Variants in KCTD16 observed in about 807,000 individuals in gnomAD.
KCTD16 encodes potassium channel tetramerization domain containing 16.
Under a neutral mutation model 33.2 loss-of-function variants are expected in KCTD16, and 13 were observed. The ratio of observed to expected loss-of-function variants is 0.39; its 90% CI spans 0.25 to 0.62. The LOEUF (loss-of-function observed/expected upper bound fraction) is 0.62. KCTD16 is among the 20% of genes least tolerant of loss of function. KCTD16 has a pLI of 0.50. For missense variants in KCTD16, 441 were observed against 525.1 expected, an observed-to-expected ratio of 0.84 and a Z score of 1.57; for synonymous variants, 197 against 195.3, an observed-to-expected ratio of 1.01 and a Z score of -0.07.
chr5:144,299,108 A>ATG (rs61318883), intron 3 of KCTD16, among the ~76,000 whole-genome samples: 1 of 10,514 alleles, frequency 9.5e-5, no homozygotes, highest in Non-Finnish European at 1.6e-4. Flanking sequence ...ATATATATAT[A>ATG]TATATATATA....
At chr5:144,410,665 T>C (rs1752913097) in intron 3 of KCTD16, among the ~76,000 whole-genome samples, 1 of 152,328 alleles carries the variant, frequency 6.6e-6, no homozygotes, top group Middle Eastern at 3.4e-3. Context: ...ATGTGTCAAG[T>C]TCCTCAAGTT....
intron 3 of KCTD16, among the ~76,000 whole-genome samples, chr5:144,449,742 T>A (rs1220706631): frequency 1.3e-5 from 2 of 151,998 alleles, no homozygotes; most frequent in Non-Finnish European, 2.9e-5. Context: ...TAGGGAAAAG[T>A]ATAGTCTTTT....
At chr5:144,342,585 G>A (rs372580234) in intron 3 of KCTD16, among the ~76,000 whole-genome samples, 132 of 152,270 alleles carry the variant, frequency 8.7e-4, no homozygotes, top group African/African-American at 2.6e-3. Flanking sequence ...TCTCCTGCCT[G>A]ATTGCCCTGG....
chr5:144,407,675 C>G (rs1185638574), intron 3 of KCTD16, among the ~76,000 whole-genome samples: 1 of 152,060 alleles, frequency 6.6e-6, no homozygotes, highest in Non-Finnish European at 1.5e-5. Flanking sequence ...TAAGTATTTC[C>G]TAATGCTTTC....
intron 3 of KCTD16, among the ~76,000 whole-genome samples, chr5:144,327,164 T>C (rs1752230305): frequency 6.6e-6 from 1 of 152,148 alleles, no homozygotes; most frequent in Admixed American, 6.6e-5. Flanking sequence ...CAGAAGTACA[T>C]ATAGTATTTT....
chr5:144,444,584 C>A (rs1246857475), intron 3 of KCTD16, among the ~76,000 whole-genome samples: 2 of 151,814 alleles, frequency 1.3e-5, no homozygotes, highest in Admixed American at 1.3e-4. Flanking sequence ...AGTTTATGCC[C>A]TTTATACATG....
intron 3 of KCTD16, among the ~76,000 whole-genome samples, chr5:144,254,783 T>A (rs545871582): frequency 0.03 from 4,626 of 152,232 alleles, 95 homozygotes; most frequent in Middle Eastern, 0.061. Flanking sequence ...TTTCTTTTTT[T>A]TTTAATCACT....
intron 3 of KCTD16, among the ~76,000 whole-genome samples, chr5:144,435,728 T>G (rs555625293): frequency 4.5e-4 from 69 of 152,158 alleles, no homozygotes; most frequent in Non-Finnish European, 7.8e-4. Context: ...TCAGACAATT[T>G]CCTTCTCTTT....
In KCTD16 at chr5:144,473,859, T is replaced by C. The variant is rs941350605; in HGVS notation, c.1032T>C (p.Arg344=). The change falls in exon 4 of 4, where the codon CGT becomes CGC. Residue 344 remains arginine (R), a synonymous_variant. Coordinates refer to ENST00000512467, the MANE Select transcript of KCTD16 (RefSeq NM_020768.4). ...TRQTNIQTLD[R]PIKKGPVQLI... ...AGACCAACATCCAGACTCTGGACCGTCCCATCAAGAAGGGCCCTGTCCAGC... is the reference window on the plus strand; with the variant it reads ...AGACCAACATCCAGACTCTGGACCGCCCCATCAAGAAGGGCCCTGTCCAGC... 1.1e-5 allele frequency: 17 copies of C among 1,613,838 alleles called. No individual in the cohort carries two copies. In the African/African-American group the frequency reaches 2.1e-4, roughly 20 times the overall value.
chr5:144,260,076 TA>T (rs1441678637), intron 3 of KCTD16, among the ~76,000 whole-genome samples: 1 of 152,192 alleles, frequency 6.6e-6, no homozygotes, highest in African/African-American at 2.4e-5. Context: ...GCTCAAAAGC[TA>T]AGCAAACTTT....
intron 3 of KCTD16, among the ~76,000 whole-genome samples, chr5:144,216,019 C>A (rs1012255115): frequency 6.6e-6 from 1 of 152,194 alleles, no homozygotes; most frequent in Non-Finnish European, 1.5e-5. Context: ...ATGGTTTCCT[C>A]CCCCTATCCC....
intron 3 of KCTD16, among the ~76,000 whole-genome samples, chr5:144,418,588 G>A (rs971692185): frequency 6.6e-6 from 1 of 152,062 alleles, no homozygotes; most frequent in African/African-American, 2.4e-5. Flanking sequence ...TTCTTTACTG[G>A]TGTTGGTGCT....
At chr5:144,264,790 G>T (rs1194513731) in intron 3 of KCTD16, among the ~76,000 whole-genome samples, 1 of 152,020 alleles carries the variant, frequency 6.6e-6, no homozygotes, top group Non-Finnish European at 1.5e-5. Context: ...AAACAGAAAC[G>T]ATTAACAATA....
At chr5:144,461,273 C>G (rs535237550) in intron 3 of KCTD16, among the ~76,000 whole-genome samples, 1 of 152,138 alleles carries the variant, frequency 6.6e-6, no homozygotes, top group Non-Finnish European at 1.5e-5. Context: ...GGATGTTCTA[C>G]AGGCCCACAA....
chr5:144,260,761 G>C (rs899376422), intron 3 of KCTD16, among the ~76,000 whole-genome samples: 1 of 151,750 alleles, frequency 6.6e-6, no homozygotes. Context: ...GTTGTTGTTT[G>C]TTTTTTTAAA....
intron 3 of KCTD16, among the ~76,000 whole-genome samples, chr5:144,261,069 AC>A (rs1359849600): frequency 6.6e-6 from 1 of 151,784 alleles, no homozygotes. Flanking sequence ...TAGCTTAGCA[AC>A]AGAGGCTGTC....
intron 3 of KCTD16, among the ~76,000 whole-genome samples, chr5:144,360,362 G>A (rs1751680722): frequency 6.6e-6 from 1 of 151,624 alleles, no homozygotes; most frequent in Admixed American, 6.6e-5. Flanking sequence ...TTGATTTTCT[G>A]TTCCTGTGTT....
chr5:144,181,295 A>T (rs1486695547), intron 2 of KCTD16, among the ~76,000 whole-genome samples: 1 of 152,138 alleles, frequency 6.6e-6, no homozygotes, highest in African/African-American at 2.4e-5. Flanking sequence ...TAAAACCACC[A>T]CTTCTCAATG....
chr5:144,434,464 A>G lies in KCTD16; in HGVS notation c.833-39196A>G, dbSNP rs964810940. 9.8e-5 allele frequency among the ~76,000 whole-genome samples: 15 copies of G among 152,288 alleles called. No homozygotes were observed. In the Middle Eastern group the frequency reaches 0.01, roughly 104 times the overall value. ...TGTAACTCATGGGATACAACTGCTC[A>G]TATAGATTACGGCAATCCTTTTAAA... On this transcript the variant is annotated intron_variant, in intron 3 of 3. Transcript: ENST00000512467.
Sources: gnomAD v4.1 joint callset for allele counts (sites outside exome capture counted in the v4.1 genomes callset) on GRCh38, gnomAD v4.1.1 for gene constraint, MANE v1.5 for transcripts, NCBI Gene and HGNC (gene_info 2026-07-23, HGNC 2026-07-21) for gene names.